EDA: variants seen among roughly 807,000 people sequenced by gnomAD.
EDA encodes the protein ectodysplasin-A.
Under a neutral mutation model 23.6 loss-of-function variants are expected in EDA, and 2 were observed. The ratio of observed to expected loss-of-function variants is 0.08; its 90% CI spans 0.03 to 0.27. The LOEUF (loss-of-function observed/expected upper bound fraction) is 0.27, where lower values mean the gene tolerates loss of function less well. EDA is among the 10% of genes least tolerant of loss of function. The probability of loss-of-function intolerance (pLI) is 1.00; values close to 1 mark genes in which losing one functional copy is unlikely to be tolerated. For missense variants in EDA, 229 were observed against 324.2 expected, an observed-to-expected ratio of 0.71 and a Z score of 2.26; for synonymous variants, 131 against 132.0, an observed-to-expected ratio of 0.99 and a Z score of 0.05.
chrX:69,738,815 T>C (rs951144752), intron 1 of EDA, among the ~76,000 whole-genome samples: 2 of 110,537 alleles, frequency 1.8e-5, no homozygotes, highest in African/African-American at 6.6e-5. Flanking sequence ...ATTTCTGTTA[T>C]TGATTGCTGA....
intron 2 of EDA, among the ~76,000 whole-genome samples, chrX:69,999,963 A>G (rs1402693619): frequency 8.9e-6 from 1 of 112,005 alleles, no homozygotes; most frequent in African/African-American, 3.2e-5. Context: ...ATTATATTAT[A>G]TCATCAACTC....
intron 1 of EDA, among the ~76,000 whole-genome samples, chrX:69,779,988 T>C (rs926158306): frequency 6.7e-4 from 75 of 111,391 alleles, no homozygotes; most frequent in African/African-American, 2.3e-3. Flanking sequence ...CTCTGAGGGC[T>C]TTGTCAGTCA....
At chrX:69,662,762 T>C (rs1044217439) in intron 1 of EDA, among the ~76,000 whole-genome samples, 19 of 112,111 alleles carry the variant, frequency 1.7e-4, no homozygotes, top group Middle Eastern at 4.6e-3. Flanking sequence ...AAAATGCTGA[T>C]AGTGATATGG....
intron 6 of EDA, among the ~76,000 whole-genome samples, chrX:70,031,507 C>T (rs778742637): frequency 9.3e-4 from 104 of 111,700 alleles, no homozygotes; most frequent in Non-Finnish European, 1.6e-3. Context: ...GCCAAGATGC[C>T]AGATGCTTAC....
chrX:69,713,171 C>A (rs894535907), intron 1 of EDA, among the ~76,000 whole-genome samples: 1 of 111,733 alleles, frequency 8.9e-6, no homozygotes, highest in African/African-American at 3.3e-5. Context: ...ACGTAACAAA[C>A]CTGCACGTTG....
chrX:69,965,888 A>T (rs753860729), intron 2 of EDA, among the ~76,000 whole-genome samples: 6 of 111,201 alleles, frequency 5.4e-5, no homozygotes, highest in Admixed American at 3.8e-4. Flanking sequence ...CTCTACAAAA[A>T]TTTTTTTTAT....
chrX:69,791,179 G>A (rs2015395643), intron 1 of EDA, among the ~76,000 whole-genome samples: 1 of 111,702 alleles, frequency 9.0e-6, no homozygotes, highest in African/African-American at 3.2e-5. Flanking sequence ...CAAAATTTGA[G>A]TTTATGAAGT....
intron 1 of EDA, among the ~76,000 whole-genome samples, chrX:69,924,088 G>A (rs756478774): frequency 1.6e-4 from 18 of 110,763 alleles, no homozygotes; most frequent in Admixed American, 1.3e-3. Flanking sequence ...TGGGTAGATC[G>A]CAAAAGTTTT....
intron 1 of EDA, among the ~76,000 whole-genome samples, chrX:69,830,802 C>G (rs376699314): frequency 9.0e-6 from 1 of 111,636 alleles, no homozygotes; most frequent in African/African-American, 3.3e-5. Flanking sequence ...ATAAGATATT[C>G]TGAGACCTTG....
At chrX:69,881,949 C>T (rs1312430082) in intron 1 of EDA, among the ~76,000 whole-genome samples, 1 of 110,557 alleles carries the variant, frequency 9.0e-6, no homozygotes, top group Non-Finnish European at 1.9e-5. Flanking sequence ...CAGCATCAAG[C>T]CACTCATAAG....
intron 1 of EDA, among the ~76,000 whole-genome samples, chrX:69,927,229 T>C (rs2018533740): frequency 8.9e-6 from 1 of 112,018 alleles, no homozygotes; most frequent in Admixed American, 9.5e-5. Flanking sequence ...CACTAATTGA[T>C]GCAGTTTCTT....
intron 2 of EDA, among the ~76,000 whole-genome samples, chrX:70,013,665 G>A (rs932135558): frequency 8.1e-5 from 9 of 111,107 alleles, no homozygotes; most frequent in Non-Finnish European, 1.5e-4. Context: ...GGCCCATAGT[G>A]CAGCTGCCCC....
chrX:69,870,324 T>A (rs1391966955), intron 1 of EDA, among the ~76,000 whole-genome samples: 1 of 111,367 alleles, frequency 9.0e-6, no homozygotes, highest in Non-Finnish European at 1.9e-5. Flanking sequence ...TTTCTGTTTA[T>A]ATTAATTAGA....
chrX:69,727,335 A>G (rs1416984655), intron 1 of EDA, among the ~76,000 whole-genome samples: 1 of 112,121 alleles, frequency 8.9e-6, no homozygotes, highest in African/African-American at 3.2e-5. Flanking sequence ...AGGACTACCT[A>G]TTCCCATTTA....
intron 1 of EDA, among the ~76,000 whole-genome samples, chrX:69,632,308 G>T (rs1468766260): frequency 1.8e-5 from 2 of 111,426 alleles, no homozygotes; most frequent in Non-Finnish European, 3.8e-5. Context: ...TATATCCTTT[G>T]GCCCATTGCT....
At chrX:69,708,220 G>C (rs1330779530) in intron 1 of EDA, among the ~76,000 whole-genome samples, 2 of 112,154 alleles carry the variant, frequency 1.8e-5, no homozygotes, top group Non-Finnish European at 3.8e-5. Flanking sequence ...CAGAACTCTT[G>C]CATGCAGCAT....
At chrX:69,745,354 T>C (rs765432621) in intron 1 of EDA, among the ~76,000 whole-genome samples, 59 of 111,340 alleles carry the variant, frequency 5.3e-4, no homozygotes, top group Non-Finnish European at 9.2e-4. Context: ...TTTGGGAAAA[T>C]AGAATAAAAG....
intron 2 of EDA, among the ~76,000 whole-genome samples, chrX:70,000,586 G>A (rs1186038410): frequency 8.9e-6 from 1 of 112,444 alleles, no homozygotes; most frequent in East Asian, 2.8e-4. Flanking sequence ...TCAGTTAATT[G>A]AGATTTCTGT....
intron 1 of EDA, among the ~76,000 whole-genome samples, chrX:69,799,814 C>CAAAA (rs3048913): frequency 6.9e-4 from 69 of 99,998 alleles, no homozygotes; most frequent in African/African-American, 1.4e-3. Flanking sequence ...GCAGATTTCT[C>CAAAA]AAAAAAAAAA....
Sources: allele counts gnomAD v4.1 joint callset (sites outside exome capture counted in the v4.1 genomes callset), GRCh38; gene constraint gnomAD v4.1.1; transcripts MANE v1.5; gene names NCBI Gene and HGNC (gene_info 2026-07-23, HGNC 2026-07-21).